Variants in SFXN2 observed in about 807,000 individuals in gnomAD.
SFXN2 encodes sideroflexin-2.
In SFXN2, 37 loss-of-function variants were observed where a neutral mutation model predicts 41.9. The observed-to-expected ratio is 0.88, with a 90% CI of 0.68 to 1.16. The LOEUF (loss-of-function observed/expected upper bound fraction) is 1.16, where lower values mean the gene tolerates loss of function less well. Ranked by LOEUF, SFXN2 falls within the 50% of genes most tolerant of loss-of-function variation. SFXN2 has a pLI of 0.00. For missense variants in SFXN2, 386 were observed against 425.2 expected, an observed-to-expected ratio of 0.91 and a Z score of 0.81; for synonymous variants, 150 against 156.7, an observed-to-expected ratio of 0.96 and a Z score of 0.32.
At chr10:102,729,696 A>C in intron 5 of SFXN2, 27 bp from the exon 6 acceptor site, 1 of 1,611,170 alleles carries the variant, frequency 6.2e-7, no homozygotes, top group East Asian at 2.2e-5. Context: ...CTTCTGAACA[A>C]CTCCTACTGT....
chr10:102,737,265 G>C (rs1249043068), intron 11 of SFXN2, among the ~76,000 whole-genome samples: 2 of 152,162 alleles, frequency 1.3e-5, no homozygotes, highest in Non-Finnish European at 2.9e-5. Context: ...AGGGAGAAGG[G>C]ATGATGGAAA....
chr10:102,726,546 C>T (rs2064595306), intron 1 of SFXN2, 66 bp from the exon 2 acceptor site: 6 of 1,527,726 alleles, frequency 3.9e-6, no homozygotes, highest in Non-Finnish European at 3.6e-6. Flanking sequence ...AACAGTGGGA[C>T]GTGCTCAGGT....
Position 102,731,711 on chromosome 10 carries a change from G to A in SFXN2, c.594-12G>A, listed in dbSNP as rs962294042. The A allele has an allele frequency of 2.1e-5, 34 of 1,612,126 alleles. No homozygotes were observed. The highest frequency in any genetic ancestry group is 2.7e-5 in the Non-Finnish European group (32 of 1,178,654). Reference sequence around the variant, plus strand: ...CCCTTTCCCAAGTCCATTAACTCCTGTCTGTGTTTAGGGAGCTCATAAAGG... The same window carrying A: ...CCCTTTCCCAAGTCCATTAACTCCTATCTGTGTTTAGGGAGCTCATAAAGG... On this transcript the variant is annotated splice_polypyrimidine_tract_variant and intron_variant, in intron 6 of 11. Transcript: ENST00000369893.
In SFXN2 at chr10:102,739,282, T is replaced by A. The variant is rs2064822194; in HGVS notation, c.*1520T>A. On this transcript the variant is annotated 3_prime_UTR_variant, in exon 12 of 12. Transcript: ENST00000369893. Reference sequence around the variant, plus strand: ...ATGTCAGAAGGTATCACAACTACTATATAAGGGGAACTTGTCTGATGCCTG... The same window carrying A: ...ATGTCAGAAGGTATCACAACTACTAAATAAGGGGAACTTGTCTGATGCCTG... 6.6e-6 allele frequency: 1 copy of A among 152,204 alleles called. No individual in the cohort carries two copies. Among genetic ancestry groups the A allele is most frequent in the African/African-American group, 2.4e-5 (1 of 41,454 alleles). The allele number at this position is 152,204 out of a possible 1,614,324, so 9.4% of individuals were successfully genotyped here.
At chr10:102,731,804 G>A in intron 7 of SFXN2, 21 bp downstream of exon 7, 1 of 1,609,794 alleles carries the variant, frequency 6.2e-7, no homozygotes, top group African/African-American at 1.3e-5. Context: ...GCCTCCCTTT[G>A]GGGTGGGAGG....
intron 8 of SFXN2, among the ~76,000 whole-genome samples, chr10:102,732,528 C>T (rs1276479033): frequency 1.3e-5 from 2 of 152,144 alleles, no homozygotes; most frequent in African/African-American, 2.4e-5. Flanking sequence ...GGTTTGCTTC[C>T]AGCAGTGGGT....
rs1842801555 is a variant in SFXN2 at position 102,742,520 on chromosome 10, A to G, written c.*4758A>G. The G allele has an allele frequency of 1.3e-5, 2 of 151,500 alleles. No individual in the cohort carries two copies. Among genetic ancestry groups the G allele is most frequent in the African/African-American group, 2.4e-5 (1 of 40,976 alleles). The allele number at this position is 151,500 out of a possible 1,614,324, so 9.4% of individuals were successfully genotyped here. On this transcript the variant is annotated 3_prime_UTR_variant, in exon 12 of 12. Coordinates refer to ENST00000369893, the MANE Select transcript of SFXN2 (RefSeq NM_178858.6). ...GCCCAGGCTGGAGTACAGTGGCACA[A>G]TCAAGGCTCATTGCAGCTTCAATCT...
At chr10:102,729,112 G>T (rs2064657883) in intron 4 of SFXN2, among the ~76,000 whole-genome samples, 1 of 152,220 alleles carries the variant, frequency 6.6e-6, no homozygotes, top group Admixed American at 6.5e-5. Context: ...AGGCAGGGAG[G>T]AACTTGGCAT....
rs924753410 is a variant in SFXN2 at position 102,735,993 on chromosome 10, A to G, written c.869+84A>G. 4 of 1,358,758 alleles carry G rather than the reference A, an allele frequency of 2.9e-6. No homozygotes were observed. In the Admixed American group the frequency reaches 5.0e-5, roughly 17 times the overall value. 84.2% of individuals were successfully genotyped at this position (1,358,758 alleles called of 1,614,324 possible). On this transcript the variant is annotated intron_variant, in intron 11 of 11. Transcript: ENST00000369893. ...ATCTGCCTGCTGTCCAGAAGGAGAC[A>G]GGGAAGGGGCAGGAAGGGCAGCACC...
Position 102,717,757 on chromosome 10 carries a change from A to G in SFXN2, c.-26+3076A>G, listed in dbSNP as rs984638393. On this transcript the variant is annotated intron_variant, in intron 1 of 11. Coordinates refer to ENST00000369893, the MANE Select transcript of SFXN2 (RefSeq NM_178858.6). ...GACATCCTTGATGCCAAGAGACCCA[A>G]GAAGAAGTTGGAATGCATTTCAGGT... 6.1e-6 allele frequency: 6 copies of G among 985,330 alleles called. 1 individual carries two copies. Among genetic ancestry groups the G allele is most frequent in the Admixed American group, 1.2e-4 (2 of 16,272 alleles). 61.0% of individuals were successfully genotyped at this position (985,330 alleles called of 1,614,324 possible).
chr10:102,735,501 T>TC (rs894242683), intron 10 of SFXN2, among the ~76,000 whole-genome samples: 2 of 151,784 alleles, frequency 1.3e-5, no homozygotes, highest in Admixed American at 1.3e-4. Context: ...ATGTTGCTCC[T>TC]CCCCCTCCAA....
chr10:102,734,119 C>G lies in SFXN2; in HGVS notation c.821+516C>G, dbSNP rs557229627. Among the ~76,000 whole-genome samples the G allele has an allele frequency of 1.3e-5, 2 of 152,298 alleles. No homozygotes were observed. Among genetic ancestry groups the G allele is most frequent in the Admixed American group, 6.5e-5 (1 of 15,298 alleles). On this transcript the variant is annotated intron_variant, in intron 10 of 11. Coordinates refer to ENST00000369893, the MANE Select transcript of SFXN2 (RefSeq NM_178858.6). This position sits in a 1 kb window ranked among gnomAD's most constrained non-coding sequence, Gnocchi z 4.1. ...TCCTGACCTCAAGTGATCCACCTGC[C>G]TCGGCCTCCCAAATTGCTGGGATTA... is the stretch of plus-strand genomic sequence containing the variant.
At chr10:102,729,508 A>T in intron 5 of SFXN2, 114 bp downstream of exon 5, 1 of 1,310,180 alleles carries the variant, frequency 7.6e-7, no homozygotes, top group Non-Finnish European at 1.1e-6. Flanking sequence ...GAATGGCCAG[A>T]GCCCGGCTGG....
intron 1 of SFXN2, among the ~76,000 whole-genome samples, chr10:102,722,147 C>T (rs2064517913): frequency 6.6e-6 from 1 of 152,196 alleles, no homozygotes; most frequent in South Asian, 2.1e-4. Context: ...TAAAGTCTTT[C>T]AATGACTCCC....
At chr10:102,736,658 G>A (rs933876819) in intron 11 of SFXN2, among the ~76,000 whole-genome samples, 2 of 150,918 alleles carry the variant, frequency 1.3e-5, no homozygotes, top group Admixed American at 6.6e-5. Flanking sequence ...CTTGTGATCC[G>A]CCCGCCTCAG....
In SFXN2 at chr10:102,741,074, CTCT is replaced by C. The variant is rs1842779851; in HGVS notation, c.*3317_*3319del. ...ATCTCAGTCTCATTTTGTAACATCT[CTCT>C]TCTTTGAGTTGGCTGCTGTGGGATG... On this transcript the variant is annotated 3_prime_UTR_variant, in exon 12 of 12. Coordinates refer to ENST00000369893, the MANE Select transcript of SFXN2 (RefSeq NM_178858.6). 6.6e-6 allele frequency: 1 copy of C among 152,238 alleles called. No homozygotes were observed. The highest frequency in any genetic ancestry group is 1.5e-5 in the Non-Finnish European group (1 of 68,074). 9.4% of individuals were successfully genotyped at this position (152,238 alleles called of 1,614,324 possible). A position where few individuals can be genotyped will look rare whatever the true frequency, so the allele number is the denominator to read the frequency against.
At position 102,726,792 on chromosome 10, in the gene SFXN2, G is replaced by C. The variant is rs1258944811; in HGVS notation, c.156G>C (p.Lys52Asn). 7 of 1,614,096 alleles carry C rather than the reference G, an allele frequency of 4.3e-6. No homozygotes were observed. Among genetic ancestry groups the C allele is most frequent in the Non-Finnish European group, 5.9e-6 (7 of 1,180,038 alleles). The change falls in exon 2 of 12, where the codon AAG becomes AAC. Residue 52 changes from lysine (K) to asparagine (N), a missense_variant. Transcript: ENST00000369893. The stretch of plus-strand genomic sequence containing the variant: ...ACTGGGCCAAGGTGATGGTGGAGAA[G>C]AGCAGGTGAGGGGTCGGGGAAGGGG... ...ELDWAKVMVE[K>N]SRMGVVPPGT...
Position 102,727,173 on chromosome 10 carries a change from AG to A in SFXN2, c.332+19del, listed in dbSNP as rs2064613843. ...AGTTCTACAGGTGGGACCTGGGGGCAGGGCCGTGGGAGGTACAGCTGCCTGG... is the reference window on the plus strand; with the variant it reads ...AGTTCTACAGGTGGGACCTGGGGGCAGGCCGTGGGAGGTACAGCTGCCTGG... On this transcript the variant is annotated intron_variant, in intron 3 of 11. Transcript: ENST00000369893. 1.9e-6 allele frequency: 3 copies of A among 1,587,748 alleles called. No homozygotes were observed. The East Asian group carries it at 6.8e-5, about 36-fold the overall frequency.
rs562842877 is a variant in SFXN2 at position 102,740,693 on chromosome 10, C to G, written c.*2931C>G. ...GTATGTGGCCCTCTGTGTCTGGTTT[C>G]TTTCCTTAGGATAATGTTTTCAAGG... On this transcript the variant is annotated 3_prime_UTR_variant, in exon 12 of 12. Coordinates refer to ENST00000369893, the MANE Select transcript of SFXN2 (RefSeq NM_178858.6). 4.6e-5 allele frequency: 7 copies of G among 152,152 alleles called. No homozygotes were observed. Among genetic ancestry groups the G allele is most frequent in the Admixed American group, 4.6e-4 (7 of 15,272 alleles). The allele number at this position is 152,152 out of a possible 1,614,324, so 9.4% of individuals were successfully genotyped here.
Sources: gnomAD v4.1 joint callset for allele counts (sites outside exome capture counted in the v4.1 genomes callset) on GRCh38, gnomAD v4.1.1 for gene constraint, Gnocchi (gnomAD v3.1) non-coding constraint, MANE v1.5 for transcripts, NCBI Gene and HGNC (gene_info 2026-07-23, HGNC 2026-07-21) for gene names.